DNAH5: variants seen among roughly 807,000 people sequenced by gnomAD.
DNAH5 encodes the protein dynein axonemal heavy chain 5, also known as axonemal beta dynein heavy chain 5.
A neutral mutation model predicts 518.2 loss-of-function variants in DNAH5; 372 were observed. The observed-to-expected ratio is 0.72, with a 90% CI of 0.66 to 0.78. The LOEUF (loss-of-function observed/expected upper bound fraction) is 0.78. Ranked by LOEUF, DNAH5 falls within the 30% of genes least tolerant of loss-of-function variation. The pLI is 0.00. For missense variants in DNAH5, 5,523 were observed against 5,687.0 expected, an observed-to-expected ratio of 0.97 and a Z score of 0.93; for synonymous variants, 2,039 against 2,025.9, an observed-to-expected ratio of 1.01 and a Z score of -0.17.
intron 41 of DNAH5, among the ~76,000 whole-genome samples, chr5:13,818,000 C>G (rs1321013063): frequency 6.6e-6 from 1 of 151,778 alleles, no homozygotes; most frequent in Non-Finnish European, 1.5e-5. Context: ...TTTCATGGCT[C>G]AAAAAAAATC....
intron 3 of DNAH5, among the ~76,000 whole-genome samples, chr5:13,927,175 C>T (rs2152002753): frequency 1.3e-5 from 2 of 152,236 alleles, no homozygotes; most frequent in African/African-American, 4.8e-5. Context: ...GTAGAATAGA[C>T]TATGCCAGTT....
Position 13,866,201 on chromosome 5 carries a change from T to C in DNAH5, c.4116+19A>G, listed in dbSNP as rs1318476393. The C allele has an allele frequency of 3.1e-6, 5 of 1,610,466 alleles. No individual in the cohort carries two copies. Among genetic ancestry groups the C allele is most frequent in the African/African-American group, 1.3e-5 (1 of 74,868 alleles). On this transcript the variant is annotated intron_variant, in intron 26 of 78. Transcript: ENST00000265104. Reference sequence around the variant, plus strand: ...CAAAGTTTCATTGTTTAGAAAGTCATAGAAACTAAAAAGATTACCTGAAAC... The same window carrying C: ...CAAAGTTTCATTGTTTAGAAAGTCACAGAAACTAAAAAGATTACCTGAAAC...
At chr5:13,832,991 A>G (rs1763868686) in intron 35 of DNAH5, among the ~76,000 whole-genome samples, 1 of 152,222 alleles carries the variant, frequency 6.6e-6, no homozygotes, top group Non-Finnish European at 1.5e-5. Flanking sequence ...TAAACTGCTG[A>G]AAAGTTTCCT....
intron 30 of DNAH5, among the ~76,000 whole-genome samples, chr5:13,852,553 A>T (rs1387059470): frequency 6.6e-6 from 1 of 152,120 alleles, no homozygotes; most frequent in Non-Finnish European, 1.5e-5. Flanking sequence ...GGCTGAAGCC[A>T]GGTAGCCAGG....
At chr5:13,764,278 G>T (rs1209596911) in intron 59 of DNAH5, among the ~76,000 whole-genome samples, 1 of 152,144 alleles carries the variant, frequency 6.6e-6, no homozygotes, top group African/African-American at 2.4e-5. Flanking sequence ...TTAAACCTAA[G>T]AATTTCTGTT....
At chr5:13,894,169 ATACCCG>A (rs762042823) in intron 16 of DNAH5, among the ~76,000 whole-genome samples, 1 of 152,196 alleles carries the variant, frequency 6.6e-6, no homozygotes, top group Non-Finnish European at 1.5e-5. Flanking sequence ...TCTTTGCAAC[ATACCCG>A]TACACATTCC....
intron 1 of DNAH5, among the ~76,000 whole-genome samples, chr5:13,987,669 A>G (rs1023691502): frequency 1.3e-5 from 2 of 152,028 alleles, no homozygotes; most frequent in Non-Finnish European, 2.9e-5. Flanking sequence ...CCTGGCCAAC[A>G]TGGTGAAACC....
chr5:13,949,709 G>A (rs1004881697), intron 1 of DNAH5, among the ~76,000 whole-genome samples: 2 of 152,252 alleles, frequency 1.3e-5, no homozygotes, highest in African/African-American at 4.8e-5. Context: ...ATCTTGCATA[G>A]TGCCTTTCAT....
At chr5:13,733,026 A>AC (rs946434052) in intron 68 of DNAH5, among the ~76,000 whole-genome samples, 1 of 152,152 alleles carries the variant, frequency 6.6e-6, no homozygotes, top group African/African-American at 2.4e-5. Flanking sequence ...AACCAGTCCA[A>AC]CCCATACAAG....
At chr5:13,842,197 T>C (rs1277650444) in intron 32 of DNAH5, among the ~76,000 whole-genome samples, 1 of 151,588 alleles carries the variant, frequency 6.6e-6, no homozygotes, top group Non-Finnish European at 1.5e-5. Context: ...CCGGGCAATA[T>C]GGTGAAACCC....
intron 35 of DNAH5, among the ~76,000 whole-genome samples, chr5:13,832,087 C>T (rs1763748902): frequency 6.6e-6 from 1 of 152,096 alleles, no homozygotes; most frequent in African/African-American, 2.4e-5. Flanking sequence ...TAACAAACCT[C>T]TATGACACAA....
rs557042582 is a variant in DNAH5, at chr5:13,972,789, A to G, written c.12+38859T>C. On this transcript the variant is annotated intron_variant, in intron 1 of 78. Transcript: ENST00000681290. ...GCAGTAGTTCTTGGAGCAAAAGTTC[A>G]TGATGTGAGTCTCCACATGCTGCTC... Among the ~76,000 whole-genome samples the G allele has an allele frequency of 2.6e-5, 4 of 152,268 alleles. No individual in the cohort carries two copies. In the South Asian group the frequency reaches 8.3e-4, roughly 32 times the overall value.
intron 18 of DNAH5, 51 bp from the exon 19 acceptor site, chr5:13,885,279 G>A: frequency 1.3e-6 from 2 of 1,594,092 alleles, no homozygotes; most frequent in Non-Finnish European, 1.7e-6. Context: ...ATGGATGGAT[G>A]GATAGATAGA....
chr5:13,929,616 A>C (rs1401002651), intron 2 of DNAH5, among the ~76,000 whole-genome samples: 1 of 152,006 alleles, frequency 6.6e-6, no homozygotes, highest in Non-Finnish European at 1.5e-5. Context: ...AGGAGGAAGG[A>C]CTCCCCAAGA....
rs771601699 is a variant in DNAH5, at chr5:13,735,814, G to A, written c.11570+4C>T. On this transcript the variant is annotated splice_donor_region_variant and intron_variant, in intron 67 of 78. Transcript: ENST00000265104. The stretch of plus-strand genomic sequence containing the variant: ...TCAGCTTGGCTTCCCGCGTACAGAC[G>A]TACCTGGCTAAGGAAAGGTCAAATA... 1.8e-4 allele frequency: 284 copies of A among 1,611,460 alleles called. 5 individuals are homozygous for A. The South Asian group carries it at 1.9e-3, about 11-fold the overall frequency.
intron 65 of DNAH5, 132 bp downstream of exon 65, chr5:13,750,946 G>A (rs954492890): frequency 3.0e-6 from 3 of 1,013,608 alleles, no homozygotes; most frequent in African/African-American, 3.3e-5. Context: ...AACACTTGGA[G>A]ATTAATGGAA....
Position 13,769,157 on chromosome 5 carries a change from C to A in DNAH5, c.9721-21G>T, listed in dbSNP as rs1325772432. 9 of 1,612,164 alleles carry A rather than the reference C, an allele frequency of 5.6e-6. No homozygotes were observed. The South Asian group carries it at 8.8e-5, about 16-fold the overall frequency. ...AAGACCTAATTCAATATAAAGCAAG[C>A]AATACTTCACCAAACAGTATTAAAC... On this transcript the variant is annotated intron_variant, in intron 57 of 78. Coordinates refer to ENST00000265104, the MANE Select transcript of DNAH5 (RefSeq NM_001369.3).
At chr5:13,777,176 C>A in intron 54 of DNAH5, 26 bp downstream of exon 54, 1 of 1,606,794 alleles carries the variant, frequency 6.2e-7, no homozygotes, top group Non-Finnish European at 8.5e-7. Flanking sequence ...AGGGATAAAA[C>A]ACATAAAGAA....
At chr5:13,734,634 T>TC (rs142756993) in intron 68 of DNAH5, among the ~76,000 whole-genome samples, 3,259 of 152,210 alleles carry the variant, frequency 0.021, 103 homozygotes, top group African/African-American at 0.066. Context: ...TCAGCCCTCT[T>TC]CCCTAAATGT....
Sources: gnomAD v4.1 joint callset for allele counts (sites outside exome capture counted in the v4.1 genomes callset) on GRCh38, gnomAD v4.1.1 for gene constraint, MANE v1.5 for transcripts, NCBI Gene and HGNC (gene_info 2026-07-23, HGNC 2026-07-21) for gene names.